The following ITPRIPL2 variants were observed in gnomAD, a reference collection of about 807,000 sequenced individuals.
The protein encoded by ITPRIPL2 is ITPRIP like 2.
In ITPRIPL2, 29 loss-of-function variants were observed where a neutral mutation model predicts 31.7. That is an observed-to-expected ratio of 0.91 (90% CI 0.68 to 1.25). The LOEUF is 1.25. ITPRIPL2 is among the 50% of genes most tolerant of loss of function. The pLI is 0.00. For missense variants in ITPRIPL2, 696 were observed against 739.1 expected (o/e 0.94, Z 0.68); for synonymous variants, 344 against 343.4 (o/e 1.00, Z -0.02).
rs527694543 is a variant in ITPRIPL2 at position 19,114,150 on chromosome 16, G to A, written c.-312G>A. ...GTAGGAGGCGAGCCAGGCCGGGCCAGAAGCTGGCCGACGGCGGCGCGCGGG... is the reference window on the plus strand; with the variant it reads ...GTAGGAGGCGAGCCAGGCCGGGCCAAAAGCTGGCCGACGGCGGCGCGCGGG... On this transcript the variant is annotated 5_prime_UTR_variant, in exon 1 of 1. Coordinates refer to ENST00000381440, the MANE Select transcript of ITPRIPL2 (RefSeq NM_001034841.4). 19 of 375,744 alleles carry A rather than the reference G, an allele frequency of 5.1e-5. No individual in the cohort carries two copies. In the East Asian group the frequency reaches 6.5e-4, roughly 13 times the overall value. 23.3% of individuals were successfully genotyped at this position (375,744 alleles called of 1,614,324 possible). A position where few individuals can be genotyped will look rare whatever the true frequency, so the allele number is the denominator to read the frequency against.
rs1963418425 is a variant in ITPRIPL2 at position 19,115,060 on chromosome 16, C to T, written c.599C>T (p.Ala200Val). 1.3e-6 allele frequency: 2 copies of T among 1,598,092 alleles called. No individual in the cohort carries two copies. The highest frequency in any genetic ancestry group is 1.1e-5 in the South Asian group (1 of 90,938). The change falls in exon 1 of 1, where the codon GCC becomes GTC. Residue 200 changes from alanine to valine, a missense_variant. Transcript: ENST00000381440. The stretch of plus-strand genomic sequence containing the variant: ...AGCCTGGGCGAGGAGCCAGCGCTGG[C>T]CCCGGCCTTCCGCGGCTGCTTCTTG... The part of the protein sequence containing the change: ...PRSLGEEPAL[A>V]PAFRGCFLCA...
At position 19,115,689 on chromosome 16, in the gene ITPRIPL2, G is replaced by T. The variant is rs1440817737; in HGVS notation, c.1228G>T (p.Val410Leu). Residue 410 changes from valine (V) to leucine (L), a missense_variant, in exon 1 of 1, where the codon GTG becomes TTG. Coordinates refer to ENST00000381440, the MANE Select transcript of ITPRIPL2 (RefSeq NM_001034841.4). The part of the protein sequence containing the change: ...RILSSYVLKT[V>L]LLAVLLRKGA... ...CCTATCCTCATATGTGCTCAAGACA[G>T]TGCTGCTGGCAGTGCTGCTGCGCAA... 1 of 1,612,766 alleles carries T rather than the reference G, an allele frequency of 6.2e-7. No homozygotes were observed. Among genetic ancestry groups the T allele is most frequent in the Non-Finnish European group, 8.5e-7 (1 of 1,179,890 alleles).
chr16:19,114,410 G>A lies in ITPRIPL2; in HGVS notation c.-52G>A. On this transcript the variant is annotated 5_prime_UTR_variant, in exon 1 of 1. Transcript: ENST00000381440. ...GTGCGCATGCTGGGCTTGGGTCGCCGCCGGGGCTTGCCCCCTGGGCTGCTC... is the reference window on the plus strand; with the variant it reads ...GTGCGCATGCTGGGCTTGGGTCGCCACCGGGGCTTGCCCCCTGGGCTGCTC... 1.6e-6 allele frequency: 2 copies of A among 1,279,788 alleles called. No homozygotes were observed. The highest frequency in any genetic ancestry group is 2.0e-6 in the Non-Finnish European group (2 of 1,010,532). The allele number at this position is 1,279,788 out of a possible 1,614,324, so 79.3% of individuals were successfully genotyped here.
Position 19,119,357 on chromosome 16 carries a change from C to A in ITPRIPL2, c.*3288C>A. 1.4e-4 allele frequency: 33 copies of A among 240,602 alleles called. No individual in the cohort carries two copies. The highest frequency in any genetic ancestry group is 2.1e-4 in the Non-Finnish European group (25 of 116,854). 14.9% of individuals were successfully genotyped at this position (240,602 alleles called of 1,614,324 possible). A position where few individuals can be genotyped will look rare whatever the true frequency, so the allele number is the denominator to read the frequency against. On this transcript the variant is annotated 3_prime_UTR_variant, in exon 1 of 1. Coordinates refer to ENST00000381440, the MANE Select transcript of ITPRIPL2 (RefSeq NM_001034841.4). ...TAGTGCTATTTCCAACCAGGGGTCG[C>A]AAACTCAGCAGCCTGTAGAAACAGG...
In ITPRIPL2 at chr16:19,115,442, A is replaced by T; in HGVS notation, c.981A>T (p.Pro327=). The T allele has an allele frequency of 6.2e-7, 1 of 1,609,528 alleles. No individual in the cohort carries two copies. ...TCTTCCTTGTGGCGCCACCACCGCC[A>T]CCCTTGCCCAGCGCGCCCCTGTTGG... is the stretch of plus-strand genomic sequence containing the variant. ...DGVFLVAPPP[P]PLPSAPLLEL... is the part of the protein sequence containing the mutation. The change falls in exon 1 of 1, where the codon CCA becomes CCT. Residue 327 remains proline, a synonymous_variant. Coordinates refer to ENST00000381440, the MANE Select transcript of ITPRIPL2 (RefSeq NM_001034841.4).
rs2142441678 is a variant in ITPRIPL2, at chr16:19,120,564, G to C, written c.*4495G>C. On this transcript the variant is annotated 3_prime_UTR_variant, in exon 1 of 1. Coordinates refer to ENST00000381440, the MANE Select transcript of ITPRIPL2 (RefSeq NM_001034841.4). ...TGATTCTTGGGCCTTAGCCTCCCGA[G>C]TAGCTGGGATTACAGGCACCTGCCA... 1 of 142,696 alleles carries C rather than the reference G, an allele frequency of 7.0e-6. No homozygotes were observed. The highest frequency in any genetic ancestry group is 1.5e-5 in the Non-Finnish European group (1 of 66,250). 8.8% of individuals were successfully genotyped at this position (142,696 alleles called of 1,614,324 possible). A position where few individuals can be genotyped will look rare whatever the true frequency, so the allele number is the denominator to read the frequency against.
In ITPRIPL2 at chr16:19,114,865, G is replaced by T. The variant is rs1963413734; in HGVS notation, c.404G>T (p.Arg135Leu). 2 of 1,603,768 alleles carry T rather than the reference G, an allele frequency of 1.2e-6. No individual in the cohort carries two copies. The highest frequency in any genetic ancestry group is 2.7e-5 in the African/African-American group (2 of 74,694). The change falls in exon 1 of 1, where the codon CGC (arginine) becomes CTC (leucine). Residue 135 changes from arginine (R) to leucine (L), a missense_variant. Arg to Leu is a moderately radical substitution (Grantham distance 102). Coordinates refer to ENST00000381440, the MANE Select transcript of ITPRIPL2 (RefSeq NM_001034841.4). ...RIVGELVRAG[R>L]ARGSPGLIPG... ...GTGGGCGAGCTGGTGCGGGCTGGCC[G>T]CGCCCGGGGGTCCCCCGGTCTCATT... is the stretch of plus-strand genomic sequence containing the variant.
Position 19,115,985 on chromosome 16 carries a change from G to A in ITPRIPL2, c.1524G>A (p.Arg508=). The change falls in exon 1 of 1, where the codon CGG becomes CGA. Residue 508 remains arginine, a synonymous_variant. Transcript: ENST00000381440. ...STWQRLPQLL[R]AYGGPRYLAR... ...GGCAAAGGCTGCCCCAGCTTCTCCG[G>A]GCCTACGGGGGTCCCCGCTACCTTG... 2 of 1,612,726 alleles carry A rather than the reference G, an allele frequency of 1.2e-6. No individual in the cohort carries two copies. The highest frequency in any genetic ancestry group is 1.7e-6 in the Non-Finnish European group (2 of 1,179,512).
chr16:19,114,675 C>T lies in ITPRIPL2; in HGVS notation c.214C>T (p.Gln72Ter). 15 of 1,611,506 alleles carry T rather than the reference C, an allele frequency of 9.3e-6. No individual in the cohort carries two copies. Among genetic ancestry groups the T allele is most frequent in the Non-Finnish European group, 1.3e-5 (15 of 1,179,354 alleles). ...CCTGCGCTGTCGCCACGCTGTCCGG[C>T]AGCGCTTCCTGCCCGGGTCTCCCCG... is the stretch of plus-strand genomic sequence containing the variant. ...VLLRCRHAVRQRFLPGSPRLE... is the reference protein window; with the variant it reads ...VLLRCRHAVR Residue 72 changes from glutamine (Q) to a stop codon, truncating the protein, a stop_gained, in exon 1 of 1, where the codon CAG becomes TAG. Transcript: ENST00000381440. LOFTEE classifies it high-confidence loss of function.
Position 19,115,965 on chromosome 16 carries a change from AG to A in ITPRIPL2, c.1506del (p.Arg502SerfsTer37). 6.2e-7 allele frequency: 1 copy of A among 1,613,030 alleles called. No individual in the cohort carries two copies. The highest frequency in any genetic ancestry group is 8.5e-7 in the Non-Finnish European group (1 of 1,179,844). On this transcript the variant is annotated frameshift_variant, in exon 1 of 1. Transcript: ENST00000381440. LOFTEE classifies it high-confidence loss of function. ...AAARLLSTWQ[R>X]LPQLLRAYGG... The stretch of plus-strand genomic sequence containing the variant: ...AGCGCGGTTGCTGTCCACGTGGCAA[AG>A]GCTGCCCCAGCTTCTCCGGGCCTAC...
rs1023851455 is a variant in ITPRIPL2, at chr16:19,116,009, T to G, written c.1548T>G (p.Leu516=). The change falls in exon 1 of 1, where the codon CTT becomes CTG. Residue 516 remains leucine (L), a synonymous_variant. Coordinates refer to ENST00000381440, the MANE Select transcript of ITPRIPL2 (RefSeq NM_001034841.4). ...LLRAYGGPRY[L]ARCPPPRSQR... is the part of the protein sequence containing the mutation. The stretch of plus-strand genomic sequence containing the variant: ...GGGCCTACGGGGGTCCCCGCTACCT[T>G]GCCAGGTGCCCCCCACCCCGGAGTC... 1 of 1,610,666 alleles carries G rather than the reference T, an allele frequency of 6.2e-7. No homozygotes were observed. The highest frequency in any genetic ancestry group is 1.1e-5 in the South Asian group (1 of 90,816).
Position 19,114,776 on chromosome 16 carries a change from C to G in ITPRIPL2, c.315C>G (p.Tyr105Ter). 1.2e-6 allele frequency: 2 copies of G among 1,612,302 alleles called. No individual in the cohort carries two copies. Among genetic ancestry groups the G allele is most frequent in the Non-Finnish European group, 1.7e-6 (2 of 1,179,772 alleles). The change falls in exon 1 of 1, where the codon TAC becomes TAG. Residue 105 changes from tyrosine (Y) to a stop codon, truncating the protein, a stop_gained. Coordinates refer to ENST00000381440, the MANE Select transcript of ITPRIPL2 (RefSeq NM_001034841.4). LOFTEE classifies it high-confidence loss of function. ...TCAGCATCCTGCTGGAGAGTTACTA[C>G]GAGCATGAGGTGCGCCTGTCTCCGC... ...PGLSILLESY[Y>*]EHEVRLSPHV... is the part of the protein sequence containing the mutation.
Position 19,116,026 on chromosome 16 carries a change from C to G in ITPRIPL2, c.1565C>G (p.Pro522Arg), listed in dbSNP as rs772403157. Residue 522 changes from proline (P) to arginine (R), a missense_variant, in exon 1 of 1, where the codon CCC (proline) becomes CGC (arginine). Pro to Arg is a moderately radical substitution (Grantham distance 103). Coordinates refer to ENST00000381440, the MANE Select transcript of ITPRIPL2 (RefSeq NM_001034841.4). ...CGCTACCTTGCCAGGTGCCCCCCAC[C>G]CCGGAGTCAGCGCACCCAGGGCTTC... ...GPRYLARCPP[P>R]RSQRTQGFLE... is the part of the protein sequence containing the mutation. 22 of 1,607,428 alleles carry G rather than the reference C, an allele frequency of 1.4e-5. No individual in the cohort carries two copies. Among genetic ancestry groups the G allele is most frequent in the Non-Finnish European group, 1.9e-5 (22 of 1,175,938 alleles).
rs764811485 is a variant in ITPRIPL2 at position 19,115,076 on chromosome 16, C to T, written c.615C>T (p.Gly205=). The part of the protein sequence containing the change: ...EEPALAPAFR[G]CFLCALKAPP... ...CAGCGCTGGCCCCGGCCTTCCGCGG[C>T]TGCTTCTTGTGCGCCCTCAAGGCAC... is the stretch of plus-strand genomic sequence containing the variant. Residue 205 remains glycine, a synonymous_variant, in exon 1 of 1, where the codon GGC becomes GGT. Coordinates refer to ENST00000381440, the MANE Select transcript of ITPRIPL2 (RefSeq NM_001034841.4). 11 of 1,599,268 alleles carry T rather than the reference C, an allele frequency of 6.9e-6. No homozygotes were observed.
rs532574981 is a variant in ITPRIPL2 at position 19,119,895 on chromosome 16, G to T, written c.*3826G>T. On this transcript the variant is annotated 3_prime_UTR_variant, in exon 1 of 1. Transcript: ENST00000381440. ...TTGGGGTAAACTTCTTTGCTCTGTC[G>T]GAGTTTGCAGATGAGTAATCAGAAG... The T allele has an allele frequency of 6.0e-6, 1 of 166,942 alleles. No homozygotes were observed. The highest frequency in any genetic ancestry group is 1.5e-5 in the Non-Finnish European group (1 of 68,094). 10.3% of individuals were successfully genotyped at this position (166,942 alleles called of 1,614,324 possible).
Position 19,119,401 on chromosome 16 carries a change from A to G in ITPRIPL2, c.*3332A>G, listed in dbSNP as rs1219596923. 2 of 232,652 alleles carry G rather than the reference A, an allele frequency of 8.6e-6. No individual in the cohort carries two copies. Among genetic ancestry groups the G allele is most frequent in the Non-Finnish European group, 1.8e-5 (2 of 111,968 alleles). 14.4% of individuals were successfully genotyped at this position (232,652 alleles called of 1,614,324 possible). ...AAACAGGGGTGGGAGGTGGGGGGGA[A>G]GCTGTGCCCACCTTTAAAGAGGGGG... On this transcript the variant is annotated 3_prime_UTR_variant, in exon 1 of 1. Transcript: ENST00000381440.
Position 19,118,724 on chromosome 16 carries a change from C to T in ITPRIPL2, c.*2655C>T. On this transcript the variant is annotated 3_prime_UTR_variant, in exon 1 of 1. Transcript: ENST00000381440. ...ATTACTGTTTTATTTAAATGCCATG[C>T]TGAGCAATTGTTCTCTGTACATGGT... The T allele has an allele frequency of 5.5e-6, 2 of 362,822 alleles. No individual in the cohort carries two copies. Among genetic ancestry groups the T allele is most frequent in the Non-Finnish European group, 1.0e-5 (2 of 195,698 alleles). 22.5% of individuals were successfully genotyped at this position (362,822 alleles called of 1,614,324 possible). A position where few individuals can be genotyped will look rare whatever the true frequency, so the allele number is the denominator to read the frequency against.
rs1399825517 is a variant in ITPRIPL2 at position 19,117,747 on chromosome 16, A to T, written c.*1678A>T. ...TCTATAAGCCTTCTTTCTTTAGGGGATCCACTTGCCTGCTGTGGGAAATCA... is the reference window on the plus strand; with the variant it reads ...TCTATAAGCCTTCTTTCTTTAGGGGTTCCACTTGCCTGCTGTGGGAAATCA... On this transcript the variant is annotated 3_prime_UTR_variant, in exon 1 of 1. Transcript: ENST00000381440. The T allele has an allele frequency of 6.0e-6, 1 of 166,988 alleles. No individual in the cohort carries two copies. Among genetic ancestry groups the T allele is most frequent in the Non-Finnish European group, 1.5e-5 (1 of 68,108 alleles). The allele number at this position is 166,988 out of a possible 1,614,324, so 10.3% of individuals were successfully genotyped here.
At position 19,117,923 on chromosome 16, in the gene ITPRIPL2, GC is replaced by G. The variant is rs1470926141; in HGVS notation, c.*1855del. The G allele has an allele frequency of 3.6e-5, 6 of 167,128 alleles. No individual in the cohort carries two copies. The Admixed American group carries it at 3.9e-4, about 11-fold the overall frequency. The allele number at this position is 167,128 out of a possible 1,614,324, so 10.4% of individuals were successfully genotyped here. The stretch of plus-strand genomic sequence containing the variant: ...CAGTTCCCCGCAAAGGTCATTCCTA[GC>G]TTTTGAGGTCAATGTTGGGTCATAA... On this transcript the variant is annotated 3_prime_UTR_variant, in exon 1 of 1. Coordinates refer to ENST00000381440, the MANE Select transcript of ITPRIPL2 (RefSeq NM_001034841.4).
Sources: gnomAD v4.1 joint callset for allele counts on GRCh38, gnomAD v4.1.1 for gene constraint, MANE v1.5 for transcripts, NCBI Gene and HGNC (gene_info 2026-07-23, HGNC 2026-07-21) for gene names.